Variants in CCSER1 observed in about 807,000 individuals in gnomAD.
The protein encoded by CCSER1 is coiled-coil serine rich protein 1.
Under a neutral mutation model 82.0 loss-of-function variants are expected in CCSER1, and 41 were observed. The ratio of observed to expected loss-of-function variants is 0.50; its 90% CI spans 0.39 to 0.65. CCSER1 has a LOEUF of 0.65. CCSER1 is among the 30% of genes least tolerant of loss of function. CCSER1 has a pLI of 0.00. For synonymous variants in CCSER1, 414 were observed against 383.9 expected (o/e 1.08, Z -0.92); for missense variants, 1,119 against 1,064.2 (o/e 1.05, Z -0.72).
chr4:90,740,405 C>A (rs1029477597), intron 7 of CCSER1, among the ~76,000 whole-genome samples: 1 of 151,866 alleles, frequency 6.6e-6, no homozygotes, highest in Admixed American at 6.6e-5. Context: ...CCTGGTAAGA[C>A]AAATAAAATT....
chr4:91,076,101 A>T (rs1255474383), intron 9 of CCSER1, among the ~76,000 whole-genome samples: 1 of 152,156 alleles, frequency 6.6e-6, no homozygotes, highest in East Asian at 1.9e-4. Flanking sequence ...TTTGAAACAC[A>T]ATCTTGTCTA....
chr4:90,956,786 TA>T (rs1241720116), intron 9 of CCSER1, among the ~76,000 whole-genome samples: 9 of 150,118 alleles, frequency 6.0e-5, no homozygotes, highest in Non-Finnish European at 4.4e-5. Flanking sequence ...TTTTTTTCTT[TA>T]AAAGACAGTA....
At chr4:91,354,285 T>C (rs1748673630) in intron 10 of CCSER1, among the ~76,000 whole-genome samples, 1 of 152,212 alleles carries the variant, frequency 6.6e-6, no homozygotes, top group Non-Finnish European at 1.5e-5. Context: ...CTATGCTTCA[T>C]TTTTCGTGGG....
chr4:91,233,112 AAGAGAAAG>A (rs1156967968), intron 10 of CCSER1, among the ~76,000 whole-genome samples: 5 of 151,792 alleles, frequency 3.3e-5, no homozygotes, highest in South Asian at 2.1e-4. Flanking sequence ...TATTTTATGA[AAGAGAAAG>A]AGAGAAAGAG....
At chr4:90,143,292 G>T (rs1725150357) in intron 1 of CCSER1, among the ~76,000 whole-genome samples, 1 of 152,078 alleles carries the variant, frequency 6.6e-6, no homozygotes, top group Admixed American at 6.6e-5. Flanking sequence ...CAAGCATCAT[G>T]TCTTCATGCT....
In CCSER1 at chr4:90,799,457, G is replaced by A. The variant is rs1756490967; in HGVS notation, c.2011-16305G>A. On this transcript the variant is annotated intron_variant, in intron 7 of 10. Transcript: ENST00000509176. ...AAGCTACAGTATGGGGAGAGAGTGTGCAGGCTGGTGTGTGGCCGTAGGCGT... is the reference window on the plus strand; with the variant it reads ...AAGCTACAGTATGGGGAGAGAGTGTACAGGCTGGTGTGTGGCCGTAGGCGT... 2.0e-5 allele frequency among the ~76,000 whole-genome samples: 3 copies of A among 152,142 alleles called. No homozygotes were observed. In the South Asian group the frequency reaches 6.2e-4, roughly 31 times the overall value.
intron 3 of CCSER1, among the ~76,000 whole-genome samples, chr4:90,319,218 A>T (rs1736684294): frequency 6.6e-6 from 1 of 152,158 alleles, no homozygotes; most frequent in Non-Finnish European, 1.5e-5. Context: ...AATGAATCTC[A>T]TGATTAATAT....
At chr4:91,100,764 A>G (rs1724981866) in intron 10 of CCSER1, among the ~76,000 whole-genome samples, 1 of 152,146 alleles carries the variant, frequency 6.6e-6, no homozygotes, top group South Asian at 2.1e-4. Context: ...TCATCTTCAG[A>G]TTGGATTTTG....
At chr4:90,958,264 A>G (rs1733722424) in intron 9 of CCSER1, among the ~76,000 whole-genome samples, 1 of 152,206 alleles carries the variant, frequency 6.6e-6, no homozygotes, top group African/African-American at 2.4e-5. Context: ...AGTTTCTACT[A>G]TACCAACTGT....
intron 10 of CCSER1, among the ~76,000 whole-genome samples, chr4:91,419,721 C>T (rs1001781171): frequency 2.6e-5 from 4 of 151,722 alleles, no homozygotes; most frequent in African/African-American, 9.7e-5. Context: ...TATATGGAGC[C>T]ACAAAAGTCC....
chr4:90,933,002 AAG>A lies in CCSER1; in HGVS notation c.2172+9557_2172+9558del, dbSNP rs1332083682. 2.6e-5 allele frequency among the ~76,000 whole-genome samples: 2 copies of A among 78,374 alleles called. 1 individual carries two copies. The highest frequency in any genetic ancestry group is 4.6e-5 in the Non-Finnish European group (2 of 43,774). 51.4% of individuals were successfully genotyped at this position (78,374 alleles called of 152,430 possible). ...AGAAAGAGAAAGAAAGAAAGAAAGA[AAG>A]AAAGAAAGAAAGAAAGAAAGAAAGA... On this transcript the variant is annotated intron_variant, in intron 9 of 10. Transcript: ENST00000509176.
intron 10 of CCSER1, among the ~76,000 whole-genome samples, chr4:91,499,829 T>C (rs1233971019): frequency 1.3e-5 from 2 of 152,084 alleles, no homozygotes; most frequent in African/African-American, 4.8e-5. Context: ...TGTTTAGTGA[T>C]GAATAATGTT....
chr4:90,826,382 G>A (rs1319438466), intron 8 of CCSER1, among the ~76,000 whole-genome samples: 1 of 152,176 alleles, frequency 6.6e-6, no homozygotes, highest in African/African-American at 2.4e-5. Context: ...TTGAAAGTCA[G>A]TCTGAGCCGG....
intron 1 of CCSER1, among the ~76,000 whole-genome samples, chr4:90,229,532 A>C (rs1384433087): frequency 1.3e-5 from 2 of 152,192 alleles, no homozygotes; most frequent in Non-Finnish European, 2.9e-5. Context: ...AAATGTAAAG[A>C]CCATCGAGAC....
chr4:90,505,754 A>T (rs924949634), intron 5 of CCSER1, among the ~76,000 whole-genome samples: 10 of 152,172 alleles, frequency 6.6e-5, no homozygotes, highest in African/African-American at 2.2e-4. Context: ...ATAGTATATT[A>T]TAATTTGCAT....
intron 10 of CCSER1, among the ~76,000 whole-genome samples, chr4:91,238,176 A>G (rs770791237): frequency 4.9e-4 from 75 of 152,226 alleles, no homozygotes; most frequent in Non-Finnish European, 8.4e-4. Flanking sequence ...AAGAGACATA[A>G]TTCTGGGTGG....
intron 10 of CCSER1, among the ~76,000 whole-genome samples, chr4:91,333,661 G>A (rs1257312668): frequency 6.6e-6 from 1 of 151,980 alleles, no homozygotes; most frequent in African/African-American, 2.4e-5. Flanking sequence ...AATATTAATA[G>A]TGGGACCATG....
chr4:90,658,581 A>G (rs1730151853), intron 6 of CCSER1, among the ~76,000 whole-genome samples: 1 of 152,198 alleles, frequency 6.6e-6, no homozygotes, highest in Non-Finnish European at 1.5e-5. Flanking sequence ...CCCCAAGGAT[A>G]AAAGTGACAC....
intron 1 of CCSER1, among the ~76,000 whole-genome samples, chr4:90,219,484 C>T (rs982436156): frequency 2.0e-5 from 3 of 152,122 alleles, no homozygotes; most frequent in Non-Finnish European, 4.4e-5. Context: ...TACTCATTCT[C>T]ATCATCCCAA....
Sources: gnomAD v4.1 joint callset for allele counts (sites outside exome capture counted in the v4.1 genomes callset) on GRCh38, gnomAD v4.1.1 for gene constraint, MANE v1.5 for transcripts, NCBI Gene and HGNC (gene_info 2026-07-23, HGNC 2026-07-21) for gene names.